The following PPFIBP2 variants were observed in gnomAD, a reference collection of about 807,000 sequenced individuals.
PPFIBP2 encodes PPFIB scaffold protein 2.
A neutral mutation model predicts 118.3 loss-of-function variants in PPFIBP2; 118 were observed. The observed-to-expected ratio is 1.00, with a 90% CI of 0.86 to 1.16. PPFIBP2 has a LOEUF of 1.16. Ranked by LOEUF, PPFIBP2 falls within the 50% of genes most tolerant of loss-of-function variation. The pLI is 0.00. For synonymous variants in PPFIBP2, 414 were observed against 397.4 expected (o/e 1.04, Z -0.50); for missense variants, 1,195 against 1,073.1 (o/e 1.11, Z -1.59).
Position 7,616,816 on chromosome 11 carries a change from A to G in PPFIBP2, c.619-4119A>G, listed in dbSNP as rs1848708497. On this transcript the variant is annotated intron_variant, in intron 6 of 23. Coordinates refer to ENST00000299492, the MANE Select transcript of PPFIBP2 (RefSeq NM_003621.5). This position sits in a 1 kb window ranked among gnomAD's most constrained non-coding sequence, Gnocchi z 5.2. ...CATCTCTGCTATTGCTTCTGCTTGG[A>G]TGAAGAGTTTCTTCTAGACTCCATG... Among the ~76,000 whole-genome samples, 1 of 151,806 alleles carries G rather than the reference A, an allele frequency of 6.6e-6. No individual in the cohort carries two copies. The highest frequency in any genetic ancestry group is 2.4e-5 in the African/African-American group (1 of 41,324).
chr11:7,514,284 G>T (rs998747947), intron 1 of PPFIBP2, among the ~76,000 whole-genome samples, 163 bp downstream of exon 1: 2 of 152,230 alleles, frequency 1.3e-5, no homozygotes, highest in Non-Finnish European at 2.9e-5. Context: ...GCTCGAGGAC[G>T]GGGACCCTTC....
At chr11:7,556,872 TCTTA>T (rs1459255782) in intron 2 of PPFIBP2, among the ~76,000 whole-genome samples, 1 of 152,222 alleles carries the variant, frequency 6.6e-6, no homozygotes, top group Non-Finnish European at 1.5e-5. Flanking sequence ...TTTTTAAACT[TCTTA>T]TTTATCTTTG....
In PPFIBP2 at chr11:7,645,035, A is replaced by C. The variant is rs866201033; in HGVS notation, c.1646+2609A>C. Reference sequence around the variant, plus strand: ...GAGCAAGACTCCGTCTCAAAAAAAAAAAAAAAAAAAAAAAAAAAAAAAAAG... The same window carrying C: ...GAGCAAGACTCCGTCTCAAAAAAAACAAAAAAAAAAAAAAAAAAAAAAAAG... On this transcript the variant is annotated intron_variant, in intron 17 of 23. Transcript: ENST00000299492. 2.5e-3 allele frequency among the ~76,000 whole-genome samples: 249 copies of C among 98,142 alleles called. 1 individual carries two copies. Among genetic ancestry groups the C allele is most frequent in the Middle Eastern group, 0.016 (3 of 192 alleles). 64.4% of individuals were successfully genotyped at this position (98,142 alleles called of 152,430 possible). A position where few individuals can be genotyped will look rare whatever the true frequency, so the allele number is the denominator to read the frequency against.
intron 6 of PPFIBP2, chr11:7,617,179 A>G: frequency 1.0e-6 from 1 of 985,418 alleles, no homozygotes. Flanking sequence ...ATCCACAGGC[A>G]GATTCAAGAG....
intron 1 of PPFIBP2, among the ~76,000 whole-genome samples, chr11:7,519,107 G>A (rs955078992): frequency 6.6e-5 from 10 of 152,068 alleles, no homozygotes; most frequent in Admixed American, 2.0e-4. Flanking sequence ...TGGGAAGATG[G>A]TGGCTGGGAA....
In PPFIBP2 at chr11:7,597,578, C is replaced by T; in HGVS notation, c.391C>T (p.Gln131Ter). The change falls in exon 5 of 24, where the codon CAA (glutamine) becomes TAA (stop). Residue 131 changes from glutamine (Q) to a stop codon, truncating the protein, a stop_gained. Coordinates refer to ENST00000299492, the MANE Select transcript of PPFIBP2 (RefSeq NM_003621.5). LOFTEE classifies it high-confidence loss of function. ...GGAACAGGTGAGTGTCCTCACAGAC[C>T]AAGTAGAAGCCCAGGGAGAAAAGAT... ...LILQVSVLTD[Q>*]VEAQGEKIRD... 6.2e-7 allele frequency: 1 copy of T among 1,613,838 alleles called. No homozygotes were observed. Among genetic ancestry groups the T allele is most frequent in the Non-Finnish European group, 8.5e-7 (1 of 1,179,918 alleles).
chr11:7,531,355 G>C (rs1850664672), intron 1 of PPFIBP2, among the ~76,000 whole-genome samples: 1 of 152,164 alleles, frequency 6.6e-6, no homozygotes, highest in African/African-American at 2.4e-5. Flanking sequence ...CTTGGCCCTT[G>C]AATGCAGCTT....
chr11:7,549,581 C>A, intron 2 of PPFIBP2, 42 bp downstream of exon 2: 1 of 1,453,464 alleles, frequency 6.9e-7, no homozygotes, highest in Non-Finnish European at 9.2e-7. Context: ...TCATCCTCCA[C>A]ATTCCAGGAA....
intron 5 of PPFIBP2, among the ~76,000 whole-genome samples, chr11:7,600,163 C>G (rs11041473): frequency 7.9e-5 from 12 of 152,140 alleles, no homozygotes; most frequent in Non-Finnish European, 1.5e-4. Flanking sequence ...TGTCAAGGGT[C>G]AAATGATAGC....
At chr11:7,550,448 C>G (rs1213695222) in intron 2 of PPFIBP2, among the ~76,000 whole-genome samples, 1 of 152,186 alleles carries the variant, frequency 6.6e-6, no homozygotes, top group Non-Finnish European at 1.5e-5. Flanking sequence ...ATCTGACTTA[C>G]AGAGGGCTCT....
chr11:7,565,440 C>T, intron 2 of PPFIBP2, 113 bp from the exon 3 acceptor site: 1 of 1,115,892 alleles, frequency 9.0e-7, no homozygotes, highest in Non-Finnish European at 1.3e-6. Flanking sequence ...CCAGCTCACC[C>T]CCAGCTTCTT....
chr11:7,635,362 A>G (rs1590727062), intron 13 of PPFIBP2, among the ~76,000 whole-genome samples, 190 bp from the exon 14 acceptor site: 1 of 152,192 alleles, frequency 6.6e-6, no homozygotes, highest in Admixed American at 6.5e-5. Context: ...GCAGCTGCCC[A>G]GGACATCTGT....
At chr11:7,588,775 G>A (rs957666314) in intron 3 of PPFIBP2, among the ~76,000 whole-genome samples, 8 of 152,218 alleles carry the variant, frequency 5.3e-5, no homozygotes, top group African/African-American at 1.9e-4. Context: ...AGGTGGCTTG[G>A]CTTCAATGAT....
chr11:7,561,062 G>A (rs957723718), intron 2 of PPFIBP2, among the ~76,000 whole-genome samples: 15 of 146,872 alleles, frequency 1.0e-4, no homozygotes, highest in African/African-American at 3.8e-4. Flanking sequence ...TAATTGATAC[G>A]AGTAGGTTTG....
At chr11:7,519,893 G>A (rs765310463) in intron 1 of PPFIBP2, among the ~76,000 whole-genome samples, 19 of 152,172 alleles carry the variant, frequency 1.2e-4, no homozygotes, top group Non-Finnish European at 2.4e-4. Flanking sequence ...CTGTTAACCA[G>A]GTTCCCGGGG....
intron 3 of PPFIBP2, among the ~76,000 whole-genome samples, chr11:7,575,648 G>A (rs141004995): frequency 1.3e-5 from 2 of 152,238 alleles, no homozygotes; most frequent in African/African-American, 4.8e-5. Flanking sequence ...CTTAACCCAG[G>A]GCATGAAGTT....
Position 7,632,822 on chromosome 11 carries a change from CCAAA to C in PPFIBP2, c.1069-42_1069-39del, listed in dbSNP as rs1162964721. 4 of 1,512,230 alleles carry C rather than the reference CCAAA, an allele frequency of 2.6e-6. No individual in the cohort carries two copies. In the African/African-American group the frequency reaches 5.5e-5, roughly 21 times the overall value. The allele number at this position is 1,512,230 out of a possible 1,614,324, so 93.7% of individuals were successfully genotyped here. A position where few individuals can be genotyped will look rare whatever the true frequency, so the allele number is the denominator to read the frequency against. On this transcript the variant is annotated intron_variant, in intron 11 of 23. Transcript: ENST00000299492. ...CAGGGGGAAAGATGGTGGGTGGTCCCCAAACAGACTGTCCTCTACCGTGACTCTT... is the reference window on the plus strand; with the variant it reads ...CAGGGGGAAAGATGGTGGGTGGTCCCCAGACTGTCCTCTACCGTGACTCTT...
At chr11:7,656,636 CA>C, downstream of PPFIBP2, 1 of 919,036 alleles carries the variant, frequency 1.1e-6, no homozygotes, top group Non-Finnish European at 1.5e-6. Context: ...ATGCAGCCCT[CA>C]CCCAGTGCCC....
At chr11:7,568,715 C>A (rs1855289217) in intron 3 of PPFIBP2, among the ~76,000 whole-genome samples, 1 of 152,212 alleles carries the variant, frequency 6.6e-6, no homozygotes, top group Admixed American at 6.5e-5. Flanking sequence ...TTTGAGTTTA[C>A]TCTTGTTGGC....
Sources: allele counts gnomAD v4.1 joint callset (sites outside exome capture counted in the v4.1 genomes callset), GRCh38; gene constraint gnomAD v4.1.1; non-coding constraint Gnocchi (gnomAD v3.1); transcripts MANE v1.5; gene names NCBI Gene and HGNC (gene_info 2026-07-23, HGNC 2026-07-21).